The following DNHD1 variants were observed in gnomAD, a reference collection of about 807,000 sequenced individuals.
DNHD1 encodes the protein dynein heavy chain domain 1, also known as dynein heavy chain domain-containing protein 1.
In DNHD1, 383 loss-of-function variants were observed where a neutral mutation model predicts 458.1. The ratio of observed to expected loss-of-function variants is 0.84; its 90% CI spans 0.77 to 0.91. The LOEUF is 0.91. Among genes scored for constraint, DNHD1 ranks in the 40% least tolerant of loss-of-function variants. The probability of loss-of-function intolerance (pLI) is 0.00; values close to 1 mark genes in which losing one functional copy is unlikely to be tolerated. For missense variants in DNHD1, 5,336 were observed against 5,866.1 expected, an observed-to-expected ratio of 0.91 and a Z score of 2.95; for synonymous variants, 2,203 against 2,376.9, an observed-to-expected ratio of 0.93 and a Z score of 2.13.
Position 6,557,634 on chromosome 11 carries a change from G to A in DNHD1, c.8339G>A (p.Arg2780Lys). The A allele has an allele frequency of 6.4e-7, 1 of 1,551,728 alleles. No individual in the cohort carries two copies. Among genetic ancestry groups the A allele is most frequent in the South Asian group, 1.2e-5 (1 of 84,064 alleles). Reference sequence around the variant, plus strand: ...AAAGGCACAAGGGCATCCAACTATAGGCTCCAGGTAAGGAGATCATTCAAG... The same window carrying A: ...AAAGGCACAAGGGCATCCAACTATAAGCTCCAGGTAAGGAGATCATTCAAG... ...QEKGTRASNY[R>K]LQVRRSFKTW... Residue 2780 changes from arginine to lysine, a missense_variant, in exon 25 of 43, where the codon AGG becomes AAG. Arg to Lys is a conservative substitution (Grantham distance 26). Coordinates refer to ENST00000254579, the MANE Select transcript of DNHD1 (RefSeq NM_144666.3).
intron 10 of DNHD1, among the ~76,000 whole-genome samples, chr11:6,524,670 A>G (rs1210812543): frequency 2.0e-5 from 3 of 152,214 alleles, no homozygotes; most frequent in Non-Finnish European, 4.4e-5. Context: ...GCTATAGGCA[A>G]GGGTAGATCC....
In DNHD1 at chr11:6,538,704, G is replaced by A. The variant is rs1475361413; in HGVS notation, c.3219G>A (p.Leu1073=). Reference sequence around the variant, plus strand: ...CCCTGGAGCTGCACAGCCCCGTGCTGCAGCACTGCATGCGCATCCTGGGGG... The same window carrying A: ...CCCTGGAGCTGCACAGCCCCGTGCTACAGCACTGCATGCGCATCCTGGGGG... The part of the protein sequence containing the change: ...STTLELHSPV[L]QHCMRILGEF... The change falls in exon 16 of 43, where the codon CTG becomes CTA. Residue 1073 remains leucine, a synonymous_variant. Transcript: ENST00000254579. The A allele has an allele frequency of 7.1e-6, 11 of 1,550,118 alleles. No individual in the cohort carries two copies. Among genetic ancestry groups the A allele is most frequent in the Non-Finnish European group, 9.6e-6 (11 of 1,146,024 alleles).
In DNHD1 at chr11:6,563,980, C is replaced by T. The variant is rs1010926766; in HGVS notation, c.10140C>T (p.Ala3380=). The part of the protein sequence containing the change: ...QAQETLEHNL[A]LAKMVEDAQA... ...AGGAGACCCTGGAGCATAATTTGGC[C>T]CTGGCTAAGATGGTGGAGGATGCCC... Residue 3380 remains alanine, a synonymous_variant, in exon 31 of 43, where the codon GCC becomes GCT. Coordinates refer to ENST00000254579, the MANE Select transcript of DNHD1 (RefSeq NM_144666.3). 1.3e-6 allele frequency: 2 copies of T among 1,551,600 alleles called. No homozygotes were observed. The highest frequency in any genetic ancestry group is 8.7e-7 in the Non-Finnish European group (1 of 1,147,004).
chr11:6,533,668 G>A lies in DNHD1; in HGVS notation c.2506-13G>A, dbSNP rs1302826097. On this transcript the variant is annotated splice_polypyrimidine_tract_variant and intron_variant, in intron 13 of 42. Transcript: ENST00000254579. ...GTTGTGGGGCTGCCGGTCTCATGCT[G>A]TAATTCCTGCAGTTGAATGAAGCCA... The A allele has an allele frequency of 2.0e-6, 3 of 1,537,574 alleles. No individual in the cohort carries two copies. Among genetic ancestry groups the A allele is most frequent in the East Asian group, 2.5e-5 (1 of 40,744 alleles).
chr11:6,550,074 G>A (rs7110499), intron 24 of DNHD1, among the ~76,000 whole-genome samples: 8,935 of 152,226 alleles, frequency 0.059, 376 homozygotes, highest in African/African-American at 0.11. Flanking sequence ...AGATGTATTC[G>A]TACTTAATAA....
chr11:6,519,061 C>T (rs908903180), intron 7 of DNHD1, among the ~76,000 whole-genome samples: 1 of 152,158 alleles, frequency 6.6e-6, no homozygotes, highest in Non-Finnish European at 1.5e-5. Context: ...AGGAACCTCC[C>T]AGATCTGAAA....
rs1365802547 is a variant in DNHD1 at position 6,566,299 on chromosome 11, G to T, written c.11112G>T (p.Trp3704Cys). The T allele has an allele frequency of 1.9e-6, 3 of 1,551,718 alleles. No homozygotes were observed. Among genetic ancestry groups the T allele is most frequent in the African/African-American group, 1.4e-5 (1 of 73,022 alleles). The change falls in exon 34 of 43, where the codon TGG becomes TGT. Residue 3704 changes from tryptophan to cysteine, a missense_variant. Trp to Cys is a radical substitution (Grantham distance 215, BLOSUM62 -2). Around this residue, in one of 4 missense-constraint regions of DNHD1, gnomAD observed 695 missense variants for 804.2 expected, o/e 0.86. Coordinates refer to ENST00000254579, the MANE Select transcript of DNHD1 (RefSeq NM_144666.3). ...ELGLGCEELQ[W>C]LLQREQLSPP... ...GTCTAGGGTGCGAAGAACTGCAATGGCTGCTGCAACGGGAGCAGCTGAGTC... is the reference window on the plus strand; with the variant it reads ...GTCTAGGGTGCGAAGAACTGCAATGTCTGCTGCAACGGGAGCAGCTGAGTC...
intron 28 of DNHD1, among the ~76,000 whole-genome samples, 172 bp from the exon 29 acceptor site, chr11:6,562,810 G>C (rs1306423032): frequency 2.6e-5 from 4 of 152,142 alleles, no homozygotes; most frequent in Non-Finnish European, 5.9e-5. Flanking sequence ...ATAACTCACA[G>C]ACTAATAAGT....
At chr11:6,533,561 T>C in intron 13 of DNHD1, 120 bp from the exon 14 acceptor site, 1 of 1,273,724 alleles carries the variant, frequency 7.9e-7, no homozygotes, top group Non-Finnish European at 1.1e-6. Context: ...TCCAGTTGAT[T>C]ACAAGGCTGC....
chr11:6,562,998 A>G lies in DNHD1; in HGVS notation c.9536A>G (p.Gln3179Arg). ...KDSGKSLSMF[Q>R]QQLEQSKLLY... ...TCTCTGCAGAGTCTCAGCATGTTTC[A>G]GCAGCAGCTAGAGCAAAGCAAGCTC... The change falls in exon 29 of 43, where the codon CAG becomes CGG. Residue 3179 changes from glutamine (Q) to arginine (R), a missense_variant. This residue lies in a region of DNHD1 where 3,932 missense variants were observed against 4,365.6 expected (regional missense o/e 0.90). Coordinates refer to ENST00000254579, the MANE Select transcript of DNHD1 (RefSeq NM_144666.3). The G allele has an allele frequency of 1.3e-6, 2 of 1,551,640 alleles. No individual in the cohort carries two copies. Among genetic ancestry groups the G allele is most frequent in the Non-Finnish European group, 1.7e-6 (2 of 1,146,948 alleles).
intron 37 of DNHD1, 34 bp from the exon 38 acceptor site, chr11:6,568,420 C>G: frequency 6.2e-7 from 1 of 1,610,728 alleles, no homozygotes; most frequent in Non-Finnish European, 8.5e-7. Context: ...ACCCTTTATC[C>G]AAGGACTGAT....
intron 12 of DNHD1, among the ~76,000 whole-genome samples, chr11:6,531,661 T>C (rs1350891990): frequency 6.6e-6 from 1 of 152,194 alleles, no homozygotes; most frequent in Non-Finnish European, 1.5e-5. Context: ...TGTCCCTCAA[T>C]AGGCTTCCTC....
Position 6,529,119 on chromosome 11 carries a change from TG to T in DNHD1, c.2347+1del. 6.5e-7 allele frequency: 1 copy of T among 1,550,048 alleles called. No homozygotes were observed. Among genetic ancestry groups the T allele is most frequent in the South Asian group, 1.2e-5 (1 of 83,980 alleles). On this transcript the variant is annotated frameshift_variant and splice_region_variant, in exon 12 of 43. Coordinates refer to ENST00000254579, the MANE Select transcript of DNHD1 (RefSeq NM_144666.3). LOFTEE classifies it high-confidence loss of function. ...LLSCHDVQAEMESKLNSIRKD... is the reference protein window; with the variant it reads ...LLSCHDVQAEXESKLNSIRKD... ...AGCTGCCATGATGTACAGGCAGAGA[TG>T]GGTGAGTACTGCTTCTCTTCCCTCT... is the stretch of plus-strand genomic sequence containing the variant.
chr11:6,517,652 C>CTTTTTTTTTTTTTTT (rs59300977), intron 7 of DNHD1, among the ~76,000 whole-genome samples: 1 of 59,050 alleles, frequency 1.7e-5, no homozygotes, highest in Non-Finnish European at 3.2e-5. Context: ...TCTAGGACTT[C>CTTTTTTTTTTTTTTT]TTTTTTTTTT....
In DNHD1 at chr11:6,571,148, C is replaced by T; in HGVS notation, c.13636C>T (p.Gln4546Ter). Residue 4546 changes from glutamine (Q) to a stop codon, truncating the protein, a stop_gained, in exon 42 of 43, where the codon CAG becomes TAG. Coordinates refer to ENST00000254579, the MANE Select transcript of DNHD1 (RefSeq NM_144666.3). LOFTEE classifies it high-confidence loss of function. This position sits in a 1 kb window ranked among gnomAD's most constrained non-coding sequence, Gnocchi z 5.0. ...GCGACCTCATGCGCCGGCCGGTCCG[C>T]AGCCGCCCTGGCACTGGCTGCGACA... ...PWRPHAPAGP[Q>*]PPWHWLRQLS... 1 of 1,602,358 alleles carries T rather than the reference C, an allele frequency of 6.2e-7. No individual in the cohort carries two copies. Among genetic ancestry groups the T allele is most frequent in the Non-Finnish European group, 8.5e-7 (1 of 1,175,672 alleles).
intron 3 of DNHD1, among the ~76,000 whole-genome samples, chr11:6,500,976 G>A (rs1852121493): frequency 6.6e-6 from 1 of 151,998 alleles, no homozygotes; most frequent in South Asian, 2.1e-4. Context: ...GAGAGGGAGT[G>A]TAGTTAGGGG....
chr11:6,563,464 A>G lies in DNHD1; in HGVS notation c.9752A>G (p.Glu3251Gly), dbSNP rs1171199132. ...EEIRSYRAPPESVVRVTDAMC... is the reference protein window; with the variant it reads ...EEIRSYRAPPGSVVRVTDAMC... ...ATACGGAGCTATCGAGCACCACCAG[A>G]ATCTGTGGTCCGGGTAACTGATGCA... The change falls in exon 30 of 43, where the codon GAA (glutamate) becomes GGA (glycine). Residue 3251 changes from glutamate to glycine, a missense_variant. Coordinates refer to ENST00000254579, the MANE Select transcript of DNHD1 (RefSeq NM_144666.3). 1.0e-5 allele frequency: 16 copies of G among 1,551,558 alleles called. 1 individual carries two copies. The highest frequency in any genetic ancestry group is 1.2e-5 in the Non-Finnish European group (14 of 1,146,984).
In DNHD1 at chr11:6,518,154, G is replaced by A. The variant is rs1852527141; in HGVS notation, c.1393-1446G>A. 2.0e-5 allele frequency among the ~76,000 whole-genome samples: 3 copies of A among 152,144 alleles called. No homozygotes were observed. In the South Asian group the frequency reaches 6.2e-4, roughly 32 times the overall value. The stretch of plus-strand genomic sequence containing the variant: ...GATCACTGCAGCCTCAACTTCCCGG[G>A]CTCAGGTGATCCTCCCACCTCAGCC... On this transcript the variant is annotated intron_variant, in intron 7 of 42. Coordinates refer to ENST00000254579, the MANE Select transcript of DNHD1 (RefSeq NM_144666.3).
chr11:6,549,405 A>C (rs1416156957), intron 24 of DNHD1, among the ~76,000 whole-genome samples: 2 of 152,140 alleles, frequency 1.3e-5, no homozygotes, highest in Non-Finnish European at 2.9e-5. Context: ...GAATCTTTCC[A>C]CTTATTTCCA....
Sources: gnomAD v4.1 joint callset for allele counts (sites outside exome capture counted in the v4.1 genomes callset) on GRCh38, gnomAD v4.1.1 for gene constraint, gnomAD v4.1.1 regional missense constraint, Gnocchi (gnomAD v3.1) non-coding constraint, MANE v1.5 for transcripts, NCBI Gene and HGNC (gene_info 2026-07-23, HGNC 2026-07-21) for gene names.